TBC1D19: variants seen among roughly 807,000 people sequenced by gnomAD.
The protein encoded by TBC1D19 is TBC1 domain family, member 19.
In TBC1D19, 60 loss-of-function variants were observed where a neutral mutation model predicts 89.0. That is an observed-to-expected ratio of 0.67 (90% CI 0.55 to 0.84). TBC1D19 has a LOEUF of 0.84. Ranked by LOEUF, TBC1D19 falls within the 40% of genes least tolerant of loss-of-function variation. The pLI is 0.00. For synonymous variants in TBC1D19, 189 were observed against 199.7 expected (o/e 0.95, Z 0.45); for missense variants, 500 against 610.8 (o/e 0.82, Z 1.91).
chr4:26,802,601 C>A, the TBC1D19 span, among the ~76,000 whole-genome samples: 188 of 151,846 alleles, frequency 1.2e-3, 2 homozygotes, highest in African/African-American at 4.2e-3. Flanking sequence ...GACCCTGTGT[C>A]AAAAACAAAC....
chr4:26,720,992 T>C (rs1410556875), intron 15 of TBC1D19, among the ~76,000 whole-genome samples: 1 of 152,154 alleles, frequency 6.6e-6, no homozygotes, highest in Non-Finnish European at 1.5e-5. Flanking sequence ...TACGTGGCTT[T>C]GGCTTTCATG....
intron 13 of TBC1D19, 150 bp from the exon 14 acceptor site, chr4:26,717,783 T>C (rs1007833898): frequency 1.9e-6 from 1 of 534,864 alleles, no homozygotes; most frequent in Admixed American, 3.4e-5. Flanking sequence ...CCCACTGTAA[T>C]GCTTACCAAA....
At chr4:26,760,763 A>G (rs1266277766), downstream of TBC1D19, among the ~76,000 whole-genome samples, 1 of 152,134 alleles carries the variant, frequency 6.6e-6, no homozygotes, top group Non-Finnish European at 1.5e-5. Context: ...TTTATGGTTT[A>G]TATTTTTTGC....
rs189099178 is a variant in TBC1D19 at position 26,735,166 on chromosome 4, A to G, written c.1085-289A>G. ...CACATATGTGTGTATGTGTATATGTATGTACACATATATACACGTATATAT... is the reference window on the plus strand; with the variant it reads ...CACATATGTGTGTATGTGTATATGTGTGTACACATATATACACGTATATAT... On this transcript the variant is annotated intron_variant, in intron 15 of 20. Coordinates refer to ENST00000264866, the MANE Select transcript of TBC1D19 (RefSeq NM_018317.4). Among the ~76,000 whole-genome samples the G allele has an allele frequency of 5.9e-3, 888 of 151,654 alleles. 7 individuals are homozygous for G. Among genetic ancestry groups the G allele is most frequent in the Admixed American group, 0.018 (267 of 15,232 alleles).
chr4:26,650,245 G>T (rs1744268892), intron 7 of TBC1D19, among the ~76,000 whole-genome samples: 1 of 151,998 alleles, frequency 6.6e-6, no homozygotes. Flanking sequence ...GAATGGCTGG[G>T]TCAAATGGTA....
intron 15 of TBC1D19, among the ~76,000 whole-genome samples, chr4:26,722,414 G>T (rs1237561125): frequency 6.6e-6 from 1 of 152,000 alleles, no homozygotes; most frequent in Non-Finnish European, 1.5e-5. Flanking sequence ...TAACAAATTG[G>T]TTAACTCTTT....
intron 13 of TBC1D19, among the ~76,000 whole-genome samples, chr4:26,703,380 T>TTGTGTGTGTGCATGTG (rs1344700763): frequency 3.9e-5 from 6 of 152,136 alleles, no homozygotes; most frequent in South Asian, 4.2e-4. Flanking sequence ...TCAGAAAAAA[T>TTGTGTGTGTGCATGTG]TGTGTGTGTG....
chr4:26,604,054 A>G lies in TBC1D19; in HGVS notation c.100-9115A>G, dbSNP rs191028421. 7.7e-4 allele frequency among the ~76,000 whole-genome samples: 117 copies of G among 152,010 alleles called. 1 individual carries two copies. Among genetic ancestry groups the G allele is most frequent in the African/African-American group, 2.5e-3 (105 of 41,408 alleles). ...TTAGGCACCTCACATAAGTGGAATCATATGGTATCTGTTTTTTTGGACAGA... is the reference window on the plus strand; with the variant it reads ...TTAGGCACCTCACATAAGTGGAATCGTATGGTATCTGTTTTTTTGGACAGA... On this transcript the variant is annotated intron_variant, in intron 1 of 20. Coordinates refer to ENST00000264866, the MANE Select transcript of TBC1D19 (RefSeq NM_018317.4).
In TBC1D19 at chr4:26,684,294, C is replaced by T. The variant is rs758066389; in HGVS notation, c.891+545C>T. The stretch of plus-strand genomic sequence containing the variant: ...ACTGAGCCAAACAGGGTCCATTTTC[C>T]AGTACACAATAGAAAGCCAAGCACC... On this transcript the variant is annotated intron_variant, in intron 12 of 20. Coordinates refer to ENST00000264866, the MANE Select transcript of TBC1D19 (RefSeq NM_018317.4). Among the ~76,000 whole-genome samples, 13 of 152,154 alleles carry T rather than the reference C, an allele frequency of 8.5e-5. 1 individual carries two copies. Among genetic ancestry groups the T allele is most frequent in the Non-Finnish European group, 1.6e-4 (11 of 68,032 alleles).
At chr4:26,812,793 T>C in the TBC1D19 span, among the ~76,000 whole-genome samples, 1 of 148,302 alleles carries the variant, frequency 6.7e-6, no homozygotes, top group Non-Finnish European at 1.5e-5. This position sits in a 1 kb window ranked among gnomAD's most constrained non-coding sequence, Gnocchi z 4.2. Flanking sequence ...TATATACATA[T>C]ATAAATATAC....
chr4:26,720,205 C>A, intron 15 of TBC1D19, 80 bp downstream of exon 15: 3 of 1,019,326 alleles, frequency 2.9e-6, no homozygotes, highest in East Asian at 2.5e-5. Flanking sequence ...CTTTCTTATT[C>A]TCTTTAATGG....
intron 11 of TBC1D19, among the ~76,000 whole-genome samples, chr4:26,678,921 A>G (rs1713089140): frequency 6.6e-6 from 1 of 152,098 alleles, no homozygotes; most frequent in Non-Finnish European, 1.5e-5. Flanking sequence ...ATTTATTTTC[A>G]TTTCACACTT....
intron 4 of TBC1D19, among the ~76,000 whole-genome samples, chr4:26,627,451 T>TGG (rs1742495343): frequency 6.6e-6 from 1 of 152,160 alleles, no homozygotes; most frequent in Non-Finnish European, 1.5e-5. Flanking sequence ...TCTAGAACCC[T>TGG]GAGGAATCGC....
At chr4:26,665,292 G>A (rs894788592) in intron 8 of TBC1D19, among the ~76,000 whole-genome samples, 17 of 152,092 alleles carry the variant, frequency 1.1e-4, no homozygotes, top group Admixed American at 6.6e-4. Flanking sequence ...TAACTGTCTT[G>A]TAAAGGACAT....
the TBC1D19 span, among the ~76,000 whole-genome samples, chr4:26,797,933 A>G: frequency 6.6e-6 from 1 of 152,228 alleles, no homozygotes; most frequent in African/African-American, 2.4e-5. Flanking sequence ...ACCTGAAACT[A>G]TAAAAATCCT....
chr4:26,583,316 T>C (rs927842127), upstream of TBC1D19, among the ~76,000 whole-genome samples: 1 of 152,210 alleles, frequency 6.6e-6, no homozygotes, highest in Non-Finnish European at 1.5e-5. Context: ...GCAAGAACCA[T>C]ATTTTATTAA....
chr4:26,604,516 TG>T (rs2109991574), intron 1 of TBC1D19, among the ~76,000 whole-genome samples: 1 of 152,142 alleles, frequency 6.6e-6, no homozygotes, highest in South Asian at 2.1e-4. Flanking sequence ...ATATGATTTT[TG>T]TTTATCCATT....
At chr4:26,665,294 A>G (rs1012602753) in intron 8 of TBC1D19, among the ~76,000 whole-genome samples, 16 of 152,208 alleles carry the variant, frequency 1.1e-4, no homozygotes, top group Admixed American at 4.6e-4. Flanking sequence ...ACTGTCTTGT[A>G]AAGGACATTA....
intron 13 of TBC1D19, among the ~76,000 whole-genome samples, chr4:26,714,420 A>G (rs1472439985): frequency 6.6e-6 from 1 of 152,106 alleles, no homozygotes; most frequent in Admixed American, 6.6e-5. Flanking sequence ...CGTCAAGGTC[A>G]TCAAGAACTA....
Sources: allele counts gnomAD v4.1 joint callset (sites outside exome capture counted in the v4.1 genomes callset), GRCh38; gene constraint gnomAD v4.1.1; non-coding constraint Gnocchi (gnomAD v3.1); transcripts MANE v1.5; gene names NCBI Gene and HGNC (gene_info 2026-07-23, HGNC 2026-07-21).